The following TRPC7 variants were observed in gnomAD, a reference collection of about 807,000 sequenced individuals.
TRPC7 encodes the protein short transient receptor potential channel 7.
TRPC7 carries 42 observed loss-of-function variants against 90.1 expected under a neutral mutation model. The ratio of observed to expected loss-of-function variants is 0.47; its 90% confidence interval spans 0.36 to 0.60. The LOEUF is 0.60. Among genes scored for constraint, TRPC7 ranks in the 20% least tolerant of loss-of-function variants. The pLI, the probability that TRPC7 is intolerant of heterozygous loss-of-function variation, is 0.00. For synonymous variants in TRPC7, 451 were observed against 436.3 expected (o/e 1.03, Z -0.42); for missense variants, 955 against 1,112.3 (o/e 0.86, Z 2.01).
At chr5:136,246,626 G>A (rs1378735823) in intron 7 of TRPC7, among the ~76,000 whole-genome samples, 1 of 152,132 alleles carries the variant, frequency 6.6e-6, no homozygotes, top group Non-Finnish European at 1.5e-5. Context: ...GCAGCACTTT[G>A]TACTTGCTTC....
chr5:136,321,617 C>A (rs976433111), intron 2 of TRPC7, among the ~76,000 whole-genome samples: 2 of 152,010 alleles, frequency 1.3e-5, no homozygotes, highest in Admixed American at 1.3e-4. Context: ...ATGTAAATGG[C>A]AATTTACATG....
chr5:136,234,555 A>C (rs1275179322), intron 7 of TRPC7, among the ~76,000 whole-genome samples: 1 of 151,990 alleles, frequency 6.6e-6, no homozygotes, highest in Non-Finnish European at 1.5e-5. Flanking sequence ...TGATCTGCCC[A>C]CCTCGGCCTC....
chr5:136,214,667 G>A (rs1040980372), intron 11 of TRPC7, among the ~76,000 whole-genome samples: 1 of 152,194 alleles, frequency 6.6e-6, no homozygotes, highest in African/African-American at 2.4e-5. Flanking sequence ...CTACAAGTAG[G>A]TAGGTGGGCT....
intron 8 of TRPC7, 53 bp from the exon 9 acceptor site, chr5:136,226,308 G>A (rs1159884512): frequency 2.9e-6 from 4 of 1,356,688 alleles, no homozygotes; most frequent in East Asian, 2.5e-5. Context: ...ATTTAACAAC[G>A]GAGCCCAACC....
chr5:136,306,868 C>T (rs1758650654), intron 3 of TRPC7, among the ~76,000 whole-genome samples: 1 of 152,192 alleles, frequency 6.6e-6, no homozygotes, highest in Admixed American at 6.5e-5. Context: ...TTCTTAACTT[C>T]ACCGCCTATC....
chr5:136,287,907 G>A (rs1301363799), intron 3 of TRPC7, among the ~76,000 whole-genome samples: 1 of 151,908 alleles, frequency 6.6e-6, no homozygotes, highest in East Asian at 1.9e-4. Context: ...AGAAAAAGGT[G>A]CCCCCAGAAT....
Position 136,365,307 on chromosome 5 carries a change from T to C in TRPC7, c.-53A>G, listed in dbSNP as rs550814054. On this transcript the variant is annotated 5_prime_UTR_variant, in exon 1 of 12. Coordinates refer to ENST00000513104, the MANE Select transcript of TRPC7 (RefSeq NM_020389.3). The stretch of plus-strand genomic sequence containing the variant: ...TCCTCTAGATGACCGGAATCCGGTG[T>C]TGAGTCGCCAGAAGCTGGCTCCCCA... The C allele has an allele frequency of 5.2e-6, 8 of 1,535,654 alleles. No individual in the cohort carries two copies. The highest frequency in any genetic ancestry group is 2.0e-5 in the Admixed American group (1 of 50,964).
At chr5:136,216,122 CTG>C in intron 11 of TRPC7, 76 bp downstream of exon 11, 1 of 1,214,360 alleles carries the variant, frequency 8.2e-7, no homozygotes, top group Non-Finnish European at 1.2e-6. Flanking sequence ...CCTGACAACA[CTG>C]TGGCCGTAGC....
intron 2 of TRPC7, among the ~76,000 whole-genome samples, chr5:136,335,264 G>A (rs1447736788): frequency 1.3e-5 from 2 of 152,004 alleles, no homozygotes; most frequent in African/African-American, 4.8e-5. Flanking sequence ...ATCTACCCTG[G>A]TAAGTCCTGC....
chr5:136,342,977 T>C (rs913760533), intron 2 of TRPC7, among the ~76,000 whole-genome samples: 3 of 152,088 alleles, frequency 2.0e-5, no homozygotes, highest in Non-Finnish European at 2.9e-5. Flanking sequence ...TGGTATGTGA[T>C]AGAGGTGGAT....
chr5:136,251,927 G>T, intron 5 of TRPC7, 45 bp from the exon 6 acceptor site: 1 of 1,542,148 alleles, frequency 6.5e-7, no homozygotes, highest in Non-Finnish European at 9.0e-7. Flanking sequence ...GTTTCTCTTG[G>T]CATTTGTGAC....
At chr5:136,301,967 C>A (rs1010908346) in intron 3 of TRPC7, among the ~76,000 whole-genome samples, 7 of 152,364 alleles carry the variant, frequency 4.6e-5, no homozygotes, top group South Asian at 4.1e-4. Flanking sequence ...AAACATCTCA[C>A]CAATTTCAAA....
chr5:136,338,555 C>T (rs1759740567), intron 2 of TRPC7, among the ~76,000 whole-genome samples: 1 of 152,176 alleles, frequency 6.6e-6, no homozygotes, highest in South Asian at 2.1e-4. Context: ...AAGCCCAAGC[C>T]AGATATTCAG....
At chr5:136,352,790 C>A (rs1186670245) in intron 2 of TRPC7, among the ~76,000 whole-genome samples, 1 of 152,158 alleles carries the variant, frequency 6.6e-6, no homozygotes, top group African/African-American at 2.4e-5. Flanking sequence ...GCCCTCCATA[C>A]ACATACAGTG....
chr5:136,306,265 C>T (rs1402547051), intron 3 of TRPC7, among the ~76,000 whole-genome samples: 2 of 152,162 alleles, frequency 1.3e-5, no homozygotes, highest in African/African-American at 2.4e-5. Context: ...CCTAGGTCCT[C>T]CTAATTCTTA....
chr5:136,253,467 G>A (rs1198636783), intron 5 of TRPC7, among the ~76,000 whole-genome samples: 1 of 151,746 alleles, frequency 6.6e-6, no homozygotes, highest in Non-Finnish European at 1.5e-5. Flanking sequence ...GCTCACTTTT[G>A]GTCTCTATGT....
At chr5:136,335,934 C>T (rs912019117) in intron 2 of TRPC7, among the ~76,000 whole-genome samples, 11 of 140,560 alleles carry the variant, frequency 7.8e-5, no homozygotes, top group African/African-American at 1.6e-4. Flanking sequence ...AAAAAAGCTA[C>T]GAGATAAAAC....
chr5:136,349,292 C>A (rs1051349193), intron 2 of TRPC7, among the ~76,000 whole-genome samples: 3 of 152,188 alleles, frequency 2.0e-5, no homozygotes, highest in East Asian at 3.8e-4. Context: ...CTCACACGTA[C>A]AGCCTAGTTG....
intron 6 of TRPC7, 60 bp downstream of exon 6, chr5:136,251,589 G>A (rs1057164658): frequency 1.6e-5 from 22 of 1,333,518 alleles, no homozygotes; most frequent in African/African-American, 2.9e-5. Flanking sequence ...CCACAGTGAA[G>A]CACCAGGCCC....
Sources: gnomAD v4.1 joint callset for allele counts (sites outside exome capture counted in the v4.1 genomes callset) on GRCh38, gnomAD v4.1.1 for gene constraint, MANE v1.5 for transcripts, NCBI Gene and HGNC (gene_info 2026-07-23, HGNC 2026-07-21) for gene names.